Variants in CNTNAP2 observed in about 807,000 individuals in gnomAD.
CNTNAP2 encodes the protein contactin associated protein 2.
Under a neutral mutation model 155.2 loss-of-function variants are expected in CNTNAP2, and 98 were observed. The ratio of observed to expected loss-of-function variants is 0.63; its 90% CI spans 0.54 to 0.75. The LOEUF (loss-of-function observed/expected upper bound fraction) is 0.75. CNTNAP2 is among the 30% of genes least tolerant of loss of function. The pLI is 0.00. For synonymous variants in CNTNAP2, 651 were observed against 631.2 expected, an observed-to-expected ratio of 1.03 and a Z score of -0.47; for missense variants, 1,727 against 1,688.1, an observed-to-expected ratio of 1.02 and a Z score of -0.40.
chr7:147,830,993 A>C (rs554226828), intron 13 of CNTNAP2, among the ~76,000 whole-genome samples: 1 of 152,338 alleles, frequency 6.6e-6, no homozygotes, highest in African/African-American at 2.4e-5. Context: ...TAGCCTTGCT[A>C]TCTATACATA....
chr7:146,420,798 G>T (rs1796000767), intron 1 of CNTNAP2, among the ~76,000 whole-genome samples: 1 of 151,988 alleles, frequency 6.6e-6, no homozygotes, highest in African/African-American at 2.4e-5. Flanking sequence ...ATTAATGTAG[G>T]AATTGTAACA....
intron 2 of CNTNAP2, among the ~76,000 whole-genome samples, chr7:146,810,515 G>A (rs1803046392): frequency 6.6e-6 from 1 of 151,636 alleles, no homozygotes; most frequent in Non-Finnish European, 1.5e-5. Context: ...CAACTTTACT[G>A]ATTTAGTTTT....
chr7:147,775,631 T>A (rs1002905731), intron 13 of CNTNAP2, among the ~76,000 whole-genome samples: 3 of 151,404 alleles, frequency 2.0e-5, no homozygotes, highest in African/African-American at 7.3e-5. Flanking sequence ...CCCTGCTTCC[T>A]GGACTTGTTT....
intron 3 of CNTNAP2, among the ~76,000 whole-genome samples, chr7:146,892,061 G>A (rs1268120609): frequency 6.6e-6 from 1 of 152,108 alleles, no homozygotes; most frequent in African/African-American, 2.4e-5. Context: ...TTTTACTCAT[G>A]AATTTACAAC....
chr7:146,982,813 C>T (rs1048668362), intron 3 of CNTNAP2, among the ~76,000 whole-genome samples: 19 of 152,100 alleles, frequency 1.2e-4, no homozygotes, highest in African/African-American at 4.1e-4. Context: ...GACAGCTCTA[C>T]TTTTGCATTT....
chr7:148,193,540 A>G (rs545051864), intron 18 of CNTNAP2, among the ~76,000 whole-genome samples: 7 of 152,238 alleles, frequency 4.6e-5, no homozygotes, highest in Admixed American at 2.0e-4. Flanking sequence ...GGGCCCATGA[A>G]AGTCATAATG....
At chr7:146,999,259 G>T (rs1229369737) in intron 3 of CNTNAP2, among the ~76,000 whole-genome samples, 1 of 133,708 alleles carries the variant, frequency 7.5e-6, no homozygotes, top group Admixed American at 7.3e-5. Flanking sequence ...AAAAAAAAAA[G>T]ACAAAGCAAA....
chr7:146,736,264 G>A (rs897742641), intron 1 of CNTNAP2, among the ~76,000 whole-genome samples: 3 of 151,960 alleles, frequency 2.0e-5, no homozygotes, highest in Non-Finnish European at 2.9e-5. Context: ...AATCTTCTGC[G>A]GATACCAAAG....
chr7:147,112,780 T>G (rs910313400), intron 5 of CNTNAP2, among the ~76,000 whole-genome samples: 2 of 152,206 alleles, frequency 1.3e-5, no homozygotes, highest in African/African-American at 2.4e-5. Context: ...GCCATAACTT[T>G]GTTAAGCATT....
intron 13 of CNTNAP2, among the ~76,000 whole-genome samples, chr7:147,683,565 A>G (rs1795977396): frequency 6.6e-6 from 1 of 151,860 alleles, no homozygotes; most frequent in Admixed American, 6.6e-5. Context: ...GGTATGAACA[A>G]CAATTACCTT....
At chr7:147,961,360 T>C (rs1801117928) in intron 14 of CNTNAP2, among the ~76,000 whole-genome samples, 1 of 152,160 alleles carries the variant, frequency 6.6e-6, no homozygotes, top group South Asian at 2.1e-4. Context: ...TCTTGTATGC[T>C]CATTTGAAAT....
At position 147,921,061 on chromosome 7, in the gene CNTNAP2, G is replaced by A. The variant is rs190769423; in HGVS notation, c.2255+17340G>A. On this transcript the variant is annotated intron_variant, in intron 14 of 23. Transcript: ENST00000361727. ...CCTGACCTTGTGATCTGCCCACCTC[G>A]GCCTCCCAAAGTGCTGAGATTACAG... 5.6e-3 allele frequency among the ~76,000 whole-genome samples: 852 copies of A among 151,670 alleles called. 26 individuals carry two copies. The South Asian group carries it at 0.078, about 14-fold the overall frequency.
intron 20 of CNTNAP2, among the ~76,000 whole-genome samples, chr7:148,236,678 AG>A (rs1197401235): frequency 6.6e-6 from 1 of 152,214 alleles, no homozygotes; most frequent in East Asian, 1.9e-4. Context: ...CCTGAGACTG[AG>A]TAATTCATAA....
At chr7:146,502,213 G>GTA (rs1490868740) in intron 1 of CNTNAP2, among the ~76,000 whole-genome samples, 2 of 99,420 alleles carry the variant, frequency 2.0e-5, no homozygotes, top group African/African-American at 9.4e-5. Context: ...CATTGTGTGT[G>GTA]TATATATATG....
chr7:147,785,044 G>T (rs527824193), intron 13 of CNTNAP2, among the ~76,000 whole-genome samples: 1 of 152,250 alleles, frequency 6.6e-6, no homozygotes, highest in South Asian at 2.1e-4. Context: ...TAACACTGGA[G>T]TTGGATGTGG....
At chr7:148,278,292 C>A (rs1481094193) in intron 21 of CNTNAP2, among the ~76,000 whole-genome samples, 1 of 152,058 alleles carries the variant, frequency 6.6e-6, no homozygotes, top group East Asian at 1.9e-4. Flanking sequence ...GTAGGCCCGG[C>A]TCGGTGGCTC....
intron 3 of CNTNAP2, among the ~76,000 whole-genome samples, chr7:146,994,203 AT>A (rs775140803): frequency 1.4e-4 from 21 of 151,504 alleles, no homozygotes; most frequent in African/African-American, 4.1e-4. Context: ...CTGGGTTTTG[AT>A]TTTTTTTTAA....
intron 1 of CNTNAP2, among the ~76,000 whole-genome samples, chr7:146,153,204 T>A (rs1318160269): frequency 2.0e-5 from 3 of 152,142 alleles, no homozygotes; most frequent in Admixed American, 1.3e-4. Context: ...TGACAAAATT[T>A]TAAAAATCTA....
At position 147,407,341 on chromosome 7, in the gene CNTNAP2, G is replaced by A. The variant is rs527480275; in HGVS notation, c.1670+11561G>A. Among the ~76,000 whole-genome samples, 86 of 151,410 alleles carry A rather than the reference G, an allele frequency of 5.7e-4. 1 individual carries two copies. The highest frequency in any genetic ancestry group is 4.7e-4 in the Non-Finnish European group (32 of 67,794). On this transcript the variant is annotated intron_variant, in intron 10 of 23. Coordinates refer to ENST00000361727, the MANE Select transcript of CNTNAP2 (RefSeq NM_014141.6). ...AAATTAGCCGGGCGTGGTGGCGGGC[G>A]CCTGTAGTCCCAGCTACTCGGGAGG...
Sources: allele counts gnomAD v4.1 joint callset (sites outside exome capture counted in the v4.1 genomes callset), GRCh38; gene constraint gnomAD v4.1.1; transcripts MANE v1.5; gene names NCBI Gene and HGNC (gene_info 2026-07-23, HGNC 2026-07-21).